Variants in ZNF665 observed in about 807,000 individuals in gnomAD.
ZNF665 encodes the protein zinc finger protein 665.
Under a neutral mutation model 7.9 loss-of-function variants are expected in ZNF665, and 6 were observed. The ratio of observed to expected loss-of-function variants is 0.76; its 90% CI spans 0.42 to 1.50. ZNF665 has a LOEUF of 1.50. Ranked by LOEUF, ZNF665 falls within the 40% of genes most tolerant of loss-of-function variation. The probability of loss-of-function intolerance (pLI) is 0.01; values close to 1 mark genes in which losing one functional copy is unlikely to be tolerated. For missense variants in ZNF665, 819 were observed against 806.7 expected, an observed-to-expected ratio of 1.02 and a Z score of -0.18; for synonymous variants, 242 against 274.5, an observed-to-expected ratio of 0.88 and a Z score of 1.17.
rs951347588 is a variant in ZNF665 at position 53,164,348 on chromosome 19, G to A, written c.*105C>T. ...AGACAGCGTTTCACCGTGTTGGCCA[G>A]CCTGGTCTCGAACTCGAGACCTCAG... is the stretch of plus-strand genomic sequence containing the variant. On this transcript the variant is annotated 3_prime_UTR_variant, in exon 4 of 4. Coordinates refer to ENST00000396424, the MANE Select transcript of ZNF665 (RefSeq NM_024733.5). The A allele has an allele frequency of 8.9e-6, 8 of 894,268 alleles. No individual in the cohort carries two copies. The African/African-American group carries it at 1.3e-4, about 15-fold the overall frequency. 55.4% of individuals were successfully genotyped at this position (894,268 alleles called of 1,614,324 possible). A position where few individuals can be genotyped will look rare whatever the true frequency, so the allele number is the denominator to read the frequency against.
At chr19:53,192,835 G>C (rs972032135) in intron 1 of ZNF665, among the ~76,000 whole-genome samples, 3 of 152,208 alleles carry the variant, frequency 2.0e-5, no homozygotes, top group Non-Finnish European at 4.4e-5. Context: ...GAGGCCTAGG[G>C]AGCAGCAGGG....
At chr19:53,170,314 A>T (rs1328433295) in intron 3 of ZNF665, among the ~76,000 whole-genome samples, 2 of 152,202 alleles carry the variant, frequency 1.3e-5, no homozygotes, top group African/African-American at 2.4e-5. Context: ...TTTATGGGGA[A>T]AAAATGATGT....
chr19:53,168,055 C>CAAAAA (rs57521729), intron 3 of ZNF665, among the ~76,000 whole-genome samples: 16 of 66,380 alleles, frequency 2.4e-4, no homozygotes, highest in African/African-American at 3.3e-4. Context: ...GACTCCCTCT[C>CAAAAA]AAAAAAAAAA....
At chr19:53,181,455 C>T (rs1417558115) in intron 2 of ZNF665, 2 of 151,556 alleles carry the variant, frequency 1.3e-5, no homozygotes, top group African/African-American at 4.9e-5. Flanking sequence ...GGGGGCTCAC[C>T]AAGGCTCCAG....
Position 53,164,427 on chromosome 19 carries a change from C to G in ZNF665, c.*26G>C. ...TGCTGGGATTACAGGCGTGAGCCAC[C>G]ACGCCCGGCGTCCTTTGTAAGGTTT... On this transcript the variant is annotated 3_prime_UTR_variant, in exon 4 of 4. Coordinates refer to ENST00000396424, the MANE Select transcript of ZNF665 (RefSeq NM_024733.5). 1 of 1,519,460 alleles carries G rather than the reference C, an allele frequency of 6.6e-7. No individual in the cohort carries two copies. The highest frequency in any genetic ancestry group is 8.8e-7 in the Non-Finnish European group (1 of 1,133,926). 94.1% of individuals were successfully genotyped at this position (1,519,460 alleles called of 1,614,324 possible). A position where few individuals can be genotyped will look rare whatever the true frequency, so the allele number is the denominator to read the frequency against.
In ZNF665 at chr19:53,165,040, T is replaced by C. The variant is rs765383529; in HGVS notation, c.1450A>G (p.Lys484Glu). ...CCACATTCATCACACTTGTAAGGTTTCTCTCCAGAATGAATTCCCCGATGA... is the reference window on the plus strand; with the variant it reads ...CCACATTCATCACACTTGTAAGGTTCCTCTCCAGAATGAATTCCCCGATGA... ...ASHRGIHSGE[K>E]PYKCDECGKA... Residue 484 changes from lysine to glutamate, a missense_variant, in exon 4 of 4, where the codon AAA becomes GAA. Transcript: ENST00000396424. 6.2e-7 allele frequency: 1 copy of C among 1,614,196 alleles called. No individual in the cohort carries two copies. Among genetic ancestry groups the C allele is most frequent in the South Asian group, 1.1e-5 (1 of 91,086 alleles).
At chr19:53,174,702 G>T (rs1568660116) in intron 3 of ZNF665, among the ~76,000 whole-genome samples, 1 of 152,188 alleles carries the variant, frequency 6.6e-6, no homozygotes, top group African/African-American at 2.4e-5. Flanking sequence ...ACTCTGGGAG[G>T]CTGAGTTGGG....
chr19:53,167,525 C>A (rs913532912), intron 3 of ZNF665, among the ~76,000 whole-genome samples: 1 of 150,708 alleles, frequency 6.6e-6, no homozygotes, highest in Admixed American at 6.6e-5. Flanking sequence ...CGGCTCACTG[C>A]AAGCTCCGCC....
chr19:53,169,088 A>G (rs2090638625), intron 3 of ZNF665, among the ~76,000 whole-genome samples: 1 of 152,156 alleles, frequency 6.6e-6, no homozygotes, highest in African/African-American at 2.4e-5. Flanking sequence ...AAGAAAAAAA[A>G]GAATTAATTT....
intron 1 of ZNF665, among the ~76,000 whole-genome samples, chr19:53,189,446 G>C (rs2090798425): frequency 6.8e-6 from 1 of 147,956 alleles, no homozygotes; most frequent in Non-Finnish European, 1.5e-5. Flanking sequence ...TGATAGGTAA[G>C]GTCACGTGGG....
intron 1 of ZNF665, among the ~76,000 whole-genome samples, chr19:53,190,802 C>T (rs546153057): frequency 1.2e-4 from 19 of 152,220 alleles, no homozygotes; most frequent in African/African-American, 2.2e-4. Context: ...GGTGTGGTGG[C>T]GGACGCCTGT....
rs774448274 is a variant in ZNF665 at position 53,175,521 on chromosome 19, C to T, written c.66G>A (p.Trp22Ter). Residue 22 changes from tryptophan to a stop codon, truncating the protein, a stop_gained, in exon 3 of 4, where the codon TGG becomes TGA. Transcript: ENST00000396424. LOFTEE classifies it high-confidence loss of function. Reference protein sequence around the residue: ...DVAIEFSQEEWTCLDPAQKTL... With the variant: ...DVAIEFSQEE ...TCTTCTGAGCAGGGTCCAGGCATGT[C>T]CACTCCTCCTGAGAGAATTCTATGG... 2 of 1,611,766 alleles carry T rather than the reference C, an allele frequency of 1.2e-6. No individual in the cohort carries two copies. Among genetic ancestry groups the T allele is most frequent in the Admixed American group, 3.4e-5 (2 of 59,306 alleles).
intron 3 of ZNF665, among the ~76,000 whole-genome samples, chr19:53,171,993 A>G (rs145962156): frequency 0.1 from 15,895 of 152,142 alleles, 1,561 homozygotes; most frequent in African/African-American, 0.26. Flanking sequence ...ACCTCAGGTG[A>G]TCCACACACC....
intron 1 of ZNF665, among the ~76,000 whole-genome samples, chr19:53,192,970 A>G (rs1457172973): frequency 1.3e-5 from 2 of 152,190 alleles, no homozygotes; most frequent in Non-Finnish European, 2.9e-5. Context: ...CTAACGCTCC[A>G]GTAGCTGACT....
intron 1 of ZNF665, among the ~76,000 whole-genome samples, chr19:53,189,618 T>G (rs531811407): frequency 1.4e-5 from 2 of 147,780 alleles, no homozygotes; most frequent in African/African-American, 5.0e-5. Context: ...GAGCCAGGTG[T>G]ACAGGATGGA....
intron 1 of ZNF665, among the ~76,000 whole-genome samples, chr19:53,192,946 C>T (rs1324069663): frequency 6.6e-6 from 1 of 152,168 alleles, no homozygotes; most frequent in Non-Finnish European, 1.5e-5. Context: ...CTCCCCGGGA[C>T]TGGGGCTGCG....
Position 53,166,153 on chromosome 19 carries a change from G to C in ZNF665, c.337C>G (p.Leu113Val). ...GGGAGATTTTCTTTTTGCAACATAA[G>C]TACTGTTTTATAATTTCCTTCATCA... is the stretch of plus-strand genomic sequence containing the variant. ...KDDEGNYKTV[L>V]MLQKENLPGR... Residue 113 changes from leucine (L) to valine (V), a missense_variant, in exon 4 of 4, where the codon CTT (leucine) becomes GTT (valine). Physicochemically the swap from Leu to Val is conservative, Grantham distance 32 (BLOSUM62 1). Coordinates refer to ENST00000396424, the MANE Select transcript of ZNF665 (RefSeq NM_024733.5). The C allele has an allele frequency of 6.2e-7, 1 of 1,613,850 alleles. No individual in the cohort carries two copies. Among genetic ancestry groups the C allele is most frequent in the Non-Finnish European group, 8.5e-7 (1 of 1,179,872 alleles).
At chr19:53,179,610 A>C (rs781180485) in intron 2 of ZNF665, 2 of 151,974 alleles carry the variant, frequency 1.3e-5, no homozygotes, top group Non-Finnish European at 2.9e-5. Context: ...ACCTCACCTT[A>C]TGCATCTCTT....
intron 2 of ZNF665, among the ~76,000 whole-genome samples, chr19:53,175,981 T>C (rs1033957213): frequency 7.9e-5 from 12 of 152,022 alleles, no homozygotes; most frequent in Non-Finnish European, 1.5e-4. Context: ...GCCAACACAG[T>C]GAAACCCTGT....
Sources: allele counts gnomAD v4.1 joint callset (sites outside exome capture counted in the v4.1 genomes callset), GRCh38; gene constraint gnomAD v4.1.1; transcripts MANE v1.5; gene names NCBI Gene and HGNC (gene_info 2026-07-23, HGNC 2026-07-21).